TTC6: variants seen among roughly 807,000 people sequenced by gnomAD.
TTC6 encodes the protein tetratricopeptide repeat domain 6, also known as tetratricopeptide repeat protein 6.
TTC6 carries 172 observed loss-of-function variants against 210.4 expected under a neutral mutation model. The ratio of observed to expected loss-of-function variants is 0.82; its 90% CI spans 0.72 to 0.93. The LOEUF (loss-of-function observed/expected upper bound fraction) is 0.93. Ranked by LOEUF, TTC6 falls within the 40% of genes least tolerant of loss-of-function variation. TTC6 has a pLI of 0.00. For missense variants in TTC6, 2,414 were observed against 2,318.1 expected (o/e 1.04, Z -0.85); for synonymous variants, 804 against 819.6 (o/e 0.98, Z 0.32).
At chr14:37,716,149 A>G (rs1267224890) in intron 6 of TTC6, among the ~76,000 whole-genome samples, 3 of 152,252 alleles carry the variant, frequency 2.0e-5, no homozygotes, top group Middle Eastern at 3.4e-3. Context: ...GTGGTAAGCT[A>G]TATTTATAAA....
intron 17 of TTC6, among the ~76,000 whole-genome samples, chr14:37,792,638 T>C (rs192342738): frequency 1.3e-5 from 2 of 152,248 alleles, no homozygotes; most frequent in East Asian, 3.9e-4. Context: ...TAATACCTTT[T>C]TTTTTCTTAA....
intron 21 of TTC6, among the ~76,000 whole-genome samples, chr14:37,805,482 G>A (rs932468662): frequency 6.7e-5 from 10 of 149,960 alleles, no homozygotes; most frequent in African/African-American, 2.2e-4. Context: ...TAATTCTTAC[G>A]TTCGTGGGGT....
At chr14:37,636,711 G>A (rs1184607933) in intron 1 of TTC6, among the ~76,000 whole-genome samples, 1 of 152,100 alleles carries the variant, frequency 6.6e-6, no homozygotes, top group Non-Finnish European at 1.5e-5. Context: ...ATAATGGCTG[G>A]TTTACTGAAA....
chr14:37,821,094 G>A (rs774404713), intron 26 of TTC6, among the ~76,000 whole-genome samples: 2 of 145,870 alleles, frequency 1.4e-5, no homozygotes, highest in Admixed American at 1.4e-4. Flanking sequence ...TTGAGATGGA[G>A]TCTTACTCTG....
intron 3 of TTC6, among the ~76,000 whole-genome samples, chr14:37,690,635 A>T (rs927531474): frequency 6.6e-6 from 1 of 152,166 alleles, no homozygotes; most frequent in African/African-American, 2.4e-5. Flanking sequence ...GAGAAAAAGA[A>T]GGTCACTAAA....
chr14:37,839,061 G>T (rs114098577), intron 29 of TTC6, among the ~76,000 whole-genome samples: 3,638 of 152,240 alleles, frequency 0.024, 148 homozygotes, highest in African/African-American at 0.082. Flanking sequence ...TATTGTTGGG[G>T]ATTTGGGTTG....
intron 5 of TTC6, among the ~76,000 whole-genome samples, chr14:37,701,771 A>T (rs1212267242): frequency 6.6e-6 from 1 of 152,190 alleles, no homozygotes. Context: ...AGAGTGTTAC[A>T]TACATGATCT....
At chr14:37,622,725 C>T (rs1033993322) in exon 1 of TTC6, 9 of 1,535,002 alleles carry the variant, frequency 5.9e-6, no homozygotes, top group Middle Eastern at 1.8e-4. Flanking sequence ...CAGCAGCGGG[C>T]GGAGGAAAGT....
intron 7 of TTC6, among the ~76,000 whole-genome samples, chr14:37,734,020 G>T (rs1354019886): frequency 2.0e-5 from 3 of 151,986 alleles, no homozygotes; most frequent in Admixed American, 1.3e-4. Flanking sequence ...TTGTATACCT[G>T]TCTGTCTTTG....
chr14:37,693,912 T>A (rs950901431), intron 3 of TTC6, among the ~76,000 whole-genome samples: 1 of 152,064 alleles, frequency 6.6e-6, no homozygotes, highest in Non-Finnish European at 1.5e-5. Context: ...TGTCTCACCA[T>A]AGACAAAATC....
intron 29 of TTC6, among the ~76,000 whole-genome samples, chr14:37,830,235 T>C (rs1230455739): frequency 6.6e-6 from 1 of 152,146 alleles, no homozygotes; most frequent in Non-Finnish European, 1.5e-5. Flanking sequence ...ATTTTCTTTT[T>C]CTTAAAAGCA....
At chr14:37,760,177 G>C (rs1044003308) in intron 14 of TTC6, among the ~76,000 whole-genome samples, 2 of 152,074 alleles carry the variant, frequency 1.3e-5, no homozygotes, top group Non-Finnish European at 2.9e-5. Context: ...CTTTGGATGG[G>C]GTTTTTGTGT....
At chr14:37,681,898 T>C (rs1285646690) in intron 2 of TTC6, among the ~76,000 whole-genome samples, 1 of 152,190 alleles carries the variant, frequency 6.6e-6, no homozygotes, top group Admixed American at 6.6e-5. Context: ...AGCAGCTGAA[T>C]GGCTCCCTGC....
intron 20 of TTC6, among the ~76,000 whole-genome samples, 161 bp from the exon 23 acceptor site, chr14:37,804,519 G>A (rs188270156): frequency 4.6e-5 from 7 of 152,294 alleles, no homozygotes; most frequent in Admixed American, 1.3e-4. Context: ...TTCTTGTAGT[G>A]TACTGACAAG....
At position 37,842,286 on chromosome 14, in the gene TTC6, A is replaced by G. The variant is rs768618263; in HGVS notation, c.5656A>G (p.Ile1886Val). 8 of 1,599,212 alleles carry G rather than the reference A, an allele frequency of 5.0e-6. No homozygotes were observed. The East Asian group carries it at 1.1e-4, about 23-fold the overall frequency. ...TGATCTTGAAGACTATGCCTCAGTT[A>G]TATGATTACATAGACTGTGGTTGCT... Residue 1886 changes from isoleucine (I) to valine (V), a missense_variant, in exon 31 of 31, where the codon ATA becomes GTA. By Grantham distance (29) the Ile-to-Val change is conservative. Transcript: ENST00000553443.
chr14:37,840,715 C>T (rs145668367), intron 29 of TTC6, among the ~76,000 whole-genome samples: 2,885 of 152,204 alleles, frequency 0.019, 82 homozygotes, highest in African/African-American at 0.065. Context: ...TAAACGTAAT[C>T]CATCACCTAA....
chr14:37,815,832 C>T (rs984099111), intron 25 of TTC6, among the ~76,000 whole-genome samples: 6 of 151,982 alleles, frequency 3.9e-5, no homozygotes, highest in Admixed American at 1.3e-4. Flanking sequence ...TGCTAATAGT[C>T]ATCTTTTATG....
chr14:37,613,912 CTTAG>C (rs2095638569), intron 2 of TTC6, among the ~76,000 whole-genome samples: 1 of 151,934 alleles, frequency 6.6e-6, no homozygotes, highest in Non-Finnish European at 1.5e-5. Context: ...CAACCTTTGA[CTTAG>C]TTAATTTTCT....
chr14:37,597,238 C>T (rs2095606391), intron 1 of TTC6, among the ~76,000 whole-genome samples: 2 of 152,030 alleles, frequency 1.3e-5, no homozygotes, highest in Non-Finnish European at 2.9e-5. Context: ...GACTTTAGTT[C>T]CATTTGTAAA....
Sources: gnomAD v4.1 joint callset for allele counts (sites outside exome capture counted in the v4.1 genomes callset) on GRCh38, gnomAD v4.1.1 for gene constraint, MANE v1.5 for transcripts, NCBI Gene and HGNC (gene_info 2026-07-23, HGNC 2026-07-21) for gene names.